FGF12: variants seen among roughly 807,000 people sequenced by gnomAD.
The protein encoded by FGF12 is fibroblast growth factor 12.
Under a neutral mutation model 23.6 loss-of-function variants are expected in FGF12, and 14 were observed. That is an observed-to-expected ratio of 0.59 (90% CI 0.39 to 0.93). FGF12 has a LOEUF of 0.93. Among genes scored for constraint, FGF12 ranks in the 40% least tolerant of loss-of-function variants. FGF12 has a pLI of 0.00. For synonymous variants in FGF12, 62 were observed against 77.3 expected, an observed-to-expected ratio of 0.80 and a Z score of 1.04; for missense variants, 175 against 217.8, an observed-to-expected ratio of 0.80 and a Z score of 1.24.
intron 5 of FGF12, among the ~76,000 whole-genome samples, chr3:192,155,108 C>A (rs558307425): frequency 4.0e-5 from 6 of 148,800 alleles, no homozygotes; most frequent in South Asian, 2.1e-4. Context: ...TTCTTTGACT[C>A]GGAAAGGGAA....
chr3:192,423,897 C>T (rs1248361442), intron 2 of FGF12, among the ~76,000 whole-genome samples: 1 of 152,144 alleles, frequency 6.6e-6, no homozygotes, highest in Non-Finnish European at 1.5e-5. Context: ...TTATTATCAA[C>T]ACTCACTATA....
At chr3:192,503,297 A>G (rs1724187115) in intron 2 of FGF12, among the ~76,000 whole-genome samples, 1 of 152,202 alleles carries the variant, frequency 6.6e-6, no homozygotes, top group Non-Finnish European at 1.5e-5. Flanking sequence ...TTAAATTTTA[A>G]TATGACTTTG....
At chr3:192,651,493 T>C (rs1163973562) in intron 2 of FGF12, among the ~76,000 whole-genome samples, 1 of 152,128 alleles carries the variant, frequency 6.6e-6, no homozygotes, top group Non-Finnish European at 1.5e-5. Context: ...TTCAACAATC[T>C]CATTTTTCCC....
intron 2 of FGF12, among the ~76,000 whole-genome samples, chr3:192,407,511 AG>A (rs1353112944): frequency 6.6e-6 from 1 of 152,222 alleles, no homozygotes; most frequent in Non-Finnish European, 1.5e-5. Context: ...CTGGAGGAAG[AG>A]TTGGAAAAAT....
intron 2 of FGF12, among the ~76,000 whole-genome samples, chr3:192,472,437 T>A (rs1239572383): frequency 6.6e-6 from 1 of 152,114 alleles, no homozygotes; most frequent in African/African-American, 2.4e-5. Context: ...ACTTAACATT[T>A]CCTTTCCTAA....
chr3:192,654,360 G>A (rs1716319379), intron 2 of FGF12, among the ~76,000 whole-genome samples: 1 of 152,168 alleles, frequency 6.6e-6, no homozygotes, highest in African/African-American at 2.4e-5. Flanking sequence ...AGAAATTTTT[G>A]AGAAATAGAG....
intron 4 of FGF12, among the ~76,000 whole-genome samples, chr3:192,307,233 A>C (rs1252757890): frequency 6.6e-6 from 1 of 152,234 alleles, no homozygotes; most frequent in Non-Finnish European, 1.5e-5. Context: ...TCTTTTAATC[A>C]TTACAACAAC....
intron 4 of FGF12, among the ~76,000 whole-genome samples, chr3:192,195,158 G>T (rs896448038): frequency 3.3e-5 from 5 of 152,216 alleles, no homozygotes; most frequent in African/African-American, 1.2e-4. Context: ...TCATTTTGAA[G>T]TGGGAACAAA....
chr3:192,408,844 G>C lies in FGF12; in HGVS notation c.14-48306C>G, dbSNP rs565257793. ...AGCAATTTAACTCCCTGCGGCCCGC[G>C]GTTCTGAAGATTAGGAGGTCCGTCC... On this transcript the variant is annotated intron_variant, in intron 2 of 5. Transcript: ENST00000445105. The surrounding 1 kb of genome is among the most constrained non-coding windows in gnomAD (Gnocchi z 7.3). The C allele has an allele frequency of 1.0e-6, 1 of 985,548 alleles. No homozygotes were observed. The highest frequency in any genetic ancestry group is 1.7e-5 in the African/African-American group (1 of 57,360). The allele number at this position is 985,548 out of a possible 1,614,324, so 61.1% of individuals were successfully genotyped here. A position where few individuals can be genotyped will look rare whatever the true frequency, so the allele number is the denominator to read the frequency against.
intron 4 of FGF12, among the ~76,000 whole-genome samples, chr3:192,235,455 C>T (rs905772615): frequency 7.2e-5 from 11 of 152,110 alleles, no homozygotes; most frequent in Non-Finnish European, 2.9e-5. Context: ...CCATTTCTTT[C>T]AGGAATGACA....
intron 2 of FGF12, among the ~76,000 whole-genome samples, chr3:192,407,448 T>C (rs576865821): frequency 8.6e-5 from 13 of 151,948 alleles, no homozygotes; most frequent in South Asian, 6.2e-4. Context: ...GAGGGAAAAA[T>C]GAAGAGGTGA....
At position 192,335,483 on chromosome 3, in the gene FGF12, G is replaced by A. The variant is rs755973373; in HGVS notation, c.125-19C>T. 9 of 1,485,234 alleles carry A rather than the reference G, an allele frequency of 6.1e-6. No individual in the cohort carries two copies. The African/African-American group carries it at 8.3e-5, about 14-fold the overall frequency. The allele number at this position is 1,485,234 out of a possible 1,614,324, so 92.0% of individuals were successfully genotyped here. A position where few individuals can be genotyped will look rare whatever the true frequency, so the allele number is the denominator to read the frequency against. On this transcript the variant is annotated intron_variant, in intron 3 of 5. Transcript: ENST00000445105. The stretch of plus-strand genomic sequence containing the variant: ...AAGAGAGCTGGGGGGAGAAAAAGAA[G>A]GGCGGAAAGGATCAGTGACCTTTTG...
At chr3:192,714,295 C>T (rs1443990423) in intron 2 of FGF12, among the ~76,000 whole-genome samples, 2 of 151,980 alleles carry the variant, frequency 1.3e-5, no homozygotes, top group African/African-American at 4.8e-5. Flanking sequence ...ACTCTGTCTT[C>T]GCTAAGGAAG....
At position 192,574,887 on chromosome 3, in the gene FGF12, C is replaced by T. The variant is rs531310970; in HGVS notation, c.13+152294G>A. Among the ~76,000 whole-genome samples, 18 of 152,268 alleles carry T rather than the reference C, an allele frequency of 1.2e-4. No individual in the cohort carries two copies. The South Asian group carries it at 2.5e-3, about 21-fold the overall frequency. On this transcript the variant is annotated intron_variant, in intron 2 of 5. Transcript: ENST00000445105. ...CTGAACCAGAGCCACCCAGCTAAGC[C>T]GCTCCCAAATGTCTGGCCCACAGAA...
chr3:192,497,967 A>C (rs1036031686), intron 2 of FGF12, among the ~76,000 whole-genome samples: 1 of 151,136 alleles, frequency 6.6e-6, no homozygotes, highest in Non-Finnish European at 1.5e-5. Flanking sequence ...CCTGGCAAAC[A>C]GTAGGCCATC....
chr3:192,607,772 A>G (rs1714393191), intron 2 of FGF12, among the ~76,000 whole-genome samples: 1 of 151,538 alleles, frequency 6.6e-6, no homozygotes, highest in African/African-American at 2.4e-5. Context: ...GTTGGTGGAA[A>G]TTTTCTTGTC....
At chr3:192,248,371 C>T (rs1246859701) in intron 4 of FGF12, among the ~76,000 whole-genome samples, 1 of 152,180 alleles carries the variant, frequency 6.6e-6, no homozygotes, top group Non-Finnish European at 1.5e-5. Context: ...CCTATCCTGA[C>T]ATCTTCAAGT....
At chr3:192,200,941 C>T (rs1717336635) in intron 4 of FGF12, among the ~76,000 whole-genome samples, 1 of 151,816 alleles carries the variant, frequency 6.6e-6, no homozygotes, top group South Asian at 2.1e-4. Flanking sequence ...TACCTCAGTA[C>T]TTTAAGAGAT....
chr3:192,497,164 C>T (rs1723982638), intron 2 of FGF12, among the ~76,000 whole-genome samples: 1 of 152,174 alleles, frequency 6.6e-6, no homozygotes, highest in African/African-American at 2.4e-5. Flanking sequence ...CTCCACCCCA[C>T]AACACAGATT....
Sources: gnomAD v4.1 joint callset for allele counts (sites outside exome capture counted in the v4.1 genomes callset) on GRCh38, gnomAD v4.1.1 for gene constraint, Gnocchi (gnomAD v3.1) non-coding constraint, MANE v1.5 for transcripts, NCBI Gene and HGNC (gene_info 2026-07-23, HGNC 2026-07-21) for gene names.